The following SLC2A10 variants were observed in gnomAD, a reference collection of about 807,000 sequenced individuals.
SLC2A10 encodes the protein solute carrier family 2 member 10.
In SLC2A10, 25 loss-of-function variants were observed where a neutral mutation model predicts 32.1. That is an observed-to-expected ratio of 0.78 (90% CI 0.57 to 1.09). The LOEUF is 1.09. SLC2A10 is among the 50% of genes least tolerant of loss of function. The pLI is 0.00. For synonymous variants in SLC2A10, 332 were observed against 309.6 expected (o/e 1.07, Z -0.76); for missense variants, 673 against 686.5 (o/e 0.98, Z 0.22).
chr20:46,720,079 G>A (rs975920116), intron 1 of SLC2A10, among the ~76,000 whole-genome samples: 22 of 152,078 alleles, frequency 1.4e-4, no homozygotes, highest in African/African-American at 4.6e-4. Context: ...TCTTCCCACT[G>A]GCTCTGAAAG....
chr20:46,711,390 G>A (rs139329299), intron 1 of SLC2A10, among the ~76,000 whole-genome samples: 5 of 152,250 alleles, frequency 3.3e-5, no homozygotes, highest in African/African-American at 7.2e-5. Context: ...ACTGCACCAC[G>A]TGGCCTGTCA....
At position 46,710,924 on chromosome 20, in the gene SLC2A10, A is replaced by T. The variant is rs371275563; in HGVS notation, c.4+1184A>T. ...GATGATCACTCTGTCGCCAGGCTGGAGTGCAGTGGCGTGATCCCGCTCACT... is the reference window on the plus strand; with the variant it reads ...GATGATCACTCTGTCGCCAGGCTGGTGTGCAGTGGCGTGATCCCGCTCACT... On this transcript the variant is annotated intron_variant, in intron 1 of 4. Coordinates refer to ENST00000359271, the MANE Select transcript of SLC2A10 (RefSeq NM_030777.4). 1.5e-4 allele frequency among the ~76,000 whole-genome samples: 23 copies of T among 151,556 alleles called. No homozygotes were observed. In the East Asian group the frequency reaches 3.7e-3, roughly 24 times the overall value.
intron 1 of SLC2A10, among the ~76,000 whole-genome samples, chr20:46,711,689 A>G (rs941750491): frequency 1.3e-5 from 2 of 152,172 alleles, no homozygotes; most frequent in African/African-American, 4.8e-5. Flanking sequence ...TGTCCTCCCC[A>G]GAATTCTTAC....
At position 46,735,549 on chromosome 20, in the gene SLC2A10, G is replaced by C. The variant is rs1980525551; in HGVS notation, c.*1715G>C. On this transcript the variant is annotated 3_prime_UTR_variant, in exon 5 of 5. Coordinates refer to ENST00000359271, the MANE Select transcript of SLC2A10 (RefSeq NM_030777.4). Reference sequence around the variant, plus strand: ...ATTTCTACATAGTAACTCTTATGGAGACCTAGGGGAGACACCGCGCATCTC... The same window carrying C: ...ATTTCTACATAGTAACTCTTATGGACACCTAGGGGAGACACCGCGCATCTC... 1 of 152,072 alleles carries C rather than the reference G, an allele frequency of 6.6e-6. No homozygotes were observed. The highest frequency in any genetic ancestry group is 2.1e-4 in the South Asian group (1 of 4,822). The allele number at this position is 152,072 out of a possible 1,614,324, so 9.4% of individuals were successfully genotyped here. A position where few individuals can be genotyped will look rare whatever the true frequency, so the allele number is the denominator to read the frequency against.
At chr20:46,721,811 A>G (rs1016779586) in intron 1 of SLC2A10, among the ~76,000 whole-genome samples, 4 of 152,222 alleles carry the variant, frequency 2.6e-5, no homozygotes, top group Non-Finnish European at 5.9e-5. Flanking sequence ...GTCTATGTAT[A>G]GCAATTCCCT....
chr20:46,716,089 CT>C (rs1225638855), intron 1 of SLC2A10, among the ~76,000 whole-genome samples: 4 of 152,146 alleles, frequency 2.6e-5, no homozygotes, highest in South Asian at 2.1e-4. Context: ...CTTTACCCCC[CT>C]GATGATCACT....
chr20:46,728,610 T>G (rs1279569652), intron 3 of SLC2A10, among the ~76,000 whole-genome samples: 1 of 139,476 alleles, frequency 7.2e-6, no homozygotes, highest in African/African-American at 3.0e-5. Context: ...GTGTGTTTTT[T>G]TTTTTTTTTT....
chr20:46,708,797 G>T (rs964093399), upstream of SLC2A10, among the ~76,000 whole-genome samples: 1 of 152,124 alleles, frequency 6.6e-6, no homozygotes, highest in Admixed American at 6.5e-5. Context: ...CTCTCTCCCT[G>T]TCTTCTCCTC....
At chr20:46,711,759 G>C (rs1336829031) in intron 1 of SLC2A10, among the ~76,000 whole-genome samples, 1 of 152,144 alleles carries the variant, frequency 6.6e-6, no homozygotes. Flanking sequence ...CTGGGTTCTA[G>C]ACCCAATTCC....
At chr20:46,721,823 A>G (rs1477598989) in intron 1 of SLC2A10, among the ~76,000 whole-genome samples, 2 of 152,246 alleles carry the variant, frequency 1.3e-5, no homozygotes, top group Admixed American at 6.5e-5. Context: ...CAATTCCCTG[A>G]GACCCACTTG....
At chr20:46,720,404 A>G (rs1404472510) in intron 1 of SLC2A10, among the ~76,000 whole-genome samples, 1 of 152,240 alleles carries the variant, frequency 6.6e-6, no homozygotes, top group Non-Finnish European at 1.5e-5. Flanking sequence ...TAGTTTGTTC[A>G]TTCATAAAAT....
At chr20:46,728,743 G>A (rs999177128) in intron 3 of SLC2A10, among the ~76,000 whole-genome samples, 20 of 150,862 alleles carry the variant, frequency 1.3e-4, no homozygotes, top group Non-Finnish European at 2.7e-4. Flanking sequence ...TCAGCCTCCC[G>A]AGTAGCTGGG....
chr20:46,717,592 C>T (rs764615212), intron 1 of SLC2A10, among the ~76,000 whole-genome samples: 2 of 152,110 alleles, frequency 1.3e-5, no homozygotes, highest in Non-Finnish European at 2.9e-5. Flanking sequence ...GCCATGTTGG[C>T]CAGGCTGTTC....
At chr20:46,713,801 T>C (rs779789373) in intron 1 of SLC2A10, among the ~76,000 whole-genome samples, 108 of 152,160 alleles carry the variant, frequency 7.1e-4, no homozygotes, top group Non-Finnish European at 1.2e-3. Context: ...GGGTTCCTCT[T>C]GGGTGTCAGG....
chr20:46,727,494 T>G (rs1468299863), intron 3 of SLC2A10, among the ~76,000 whole-genome samples: 1 of 152,060 alleles, frequency 6.6e-6, no homozygotes, highest in Non-Finnish European at 1.5e-5. Flanking sequence ...CTAATTTTTG[T>G]ATTTTTTGTA....
At chr20:46,708,784 C>A (rs542863582), upstream of SLC2A10, among the ~76,000 whole-genome samples, 6 of 152,288 alleles carry the variant, frequency 3.9e-5, no homozygotes, top group South Asian at 1.2e-3. Flanking sequence ...TCCCATCTCC[C>A]TCCTCTCTCC....
At chr20:46,713,509 C>T (rs1979050486) in intron 1 of SLC2A10, among the ~76,000 whole-genome samples, 1 of 152,128 alleles carries the variant, frequency 6.6e-6, no homozygotes, top group South Asian at 2.1e-4. Context: ...AGAGTAGCAG[C>T]AAGGAACCAG....
intron 3 of SLC2A10, among the ~76,000 whole-genome samples, chr20:46,727,791 C>T (rs894530915): frequency 3.9e-5 from 6 of 152,198 alleles, no homozygotes; most frequent in African/African-American, 1.4e-4. Flanking sequence ...GTGGGTATTG[C>T]TCATCTGGGC....
chr20:46,727,789 T>G (rs757671555), intron 3 of SLC2A10, among the ~76,000 whole-genome samples: 2 of 152,198 alleles, frequency 1.3e-5, no homozygotes, highest in Non-Finnish European at 2.9e-5. Flanking sequence ...CAGTGGGTAT[T>G]GCTCATCTGG....
Sources: allele counts gnomAD v4.1 joint callset (sites outside exome capture counted in the v4.1 genomes callset), GRCh38; gene constraint gnomAD v4.1.1; transcripts MANE v1.5; gene names NCBI Gene and HGNC (gene_info 2026-07-23, HGNC 2026-07-21).